Variants in LYST observed in about 807,000 individuals in gnomAD.
The protein encoded by LYST is lysosomal trafficking regulator, also known as lysosomal-trafficking regulator.
A neutral mutation model predicts 413.6 loss-of-function variants in LYST; 192 were observed. That is an observed-to-expected ratio of 0.46 (90% CI 0.41 to 0.52). LYST has a LOEUF of 0.52. Ranked by LOEUF, LYST falls within the 20% of genes least tolerant of loss-of-function variation. The pLI, the probability that LYST is intolerant of heterozygous loss-of-function variation, is 0.00. For synonymous variants in LYST, 1,525 were observed against 1,567.3 expected, an observed-to-expected ratio of 0.97 and a Z score of 0.64; for missense variants, 3,815 against 4,499.9, an observed-to-expected ratio of 0.85 and a Z score of 4.35.
intron 1 of LYST, among the ~76,000 whole-genome samples, chr1:235,857,776 CACACACACATAT>C (rs1478035902): frequency 1.4e-4 from 19 of 140,610 alleles, no homozygotes; most frequent in Admixed American, 4.1e-4. Flanking sequence ...CACACACACA[CACACACACATAT>C]ATATATAAAA....
chr1:235,724,935 T>C (rs146207390), intron 38 of LYST, among the ~76,000 whole-genome samples: 5 of 152,352 alleles, frequency 3.3e-5, no homozygotes, highest in Non-Finnish European at 7.3e-5. Context: ...GGTTGCTCTG[T>C]TGTATGTGTC....
chr1:235,844,151 A>G (rs1450256327), intron 1 of LYST, among the ~76,000 whole-genome samples: 1 of 152,226 alleles, frequency 6.6e-6, no homozygotes, highest in Non-Finnish European at 1.5e-5. Flanking sequence ...GGATTTAACT[A>G]TTCTAAATCC....
At chr1:235,740,089 T>C (rs753441057) in intron 31 of LYST, among the ~76,000 whole-genome samples, 16 of 152,186 alleles carry the variant, frequency 1.1e-4, no homozygotes, top group Non-Finnish European at 1.3e-4. Flanking sequence ...AGGCTAAATA[T>C]GCTTCTGTCT....
intron 20 of LYST, 111 bp downstream of exon 20, chr1:235,770,048 GA>G (rs11443965): frequency 2.0e-3 from 1,688 of 833,506 alleles, no homozygotes; most frequent in Non-Finnish European, 2.3e-3. Context: ...AGAGAAGATG[GA>G]AAAAAAAAAG....
At chr1:235,713,606 G>T (rs1361988039) in intron 42 of LYST, among the ~76,000 whole-genome samples, 1 of 152,216 alleles carries the variant, frequency 6.6e-6, no homozygotes, top group South Asian at 2.1e-4. Context: ...CACAACTGGG[G>T]GGATGGGGTG....
chr1:235,662,954 A>ATTCACCC lies in LYST; in HGVS notation c.11391_11392insGGGTGAA (p.Tyr3798GlyfsTer2). 6.3e-7 allele frequency: 1 copy of ATTCACCC among 1,582,532 alleles called. No individual in the cohort carries two copies. The highest frequency in any genetic ancestry group is 8.7e-7 in the Non-Finnish European group (1 of 1,151,226). On this transcript the variant is annotated stop_gained and frameshift_variant, in exon 53 of 53. Transcript: ENST00000389793. LOFTEE classifies it high-confidence loss of function. ...TTCATTCGCATTCACCCGGCTGCAT[A>ATTCACCC]GCTGCTAAGGAAGGAATAGAACATT...
At chr1:235,758,631 G>C (rs1022455040) in intron 23 of LYST, among the ~76,000 whole-genome samples, 2 of 152,192 alleles carry the variant, frequency 1.3e-5, no homozygotes, top group Admixed American at 6.5e-5. Context: ...TGAGCACCAA[G>C]TGGACAGAAT....
chr1:235,775,095 A>T lies in LYST; in HGVS notation c.5461-9T>A, dbSNP rs1669098761. 3 of 1,607,930 alleles carry T rather than the reference A, an allele frequency of 1.9e-6. No homozygotes were observed. The highest frequency in any genetic ancestry group is 2.5e-6 in the Non-Finnish European group (3 of 1,178,288). Reference sequence around the variant, plus strand: ...CTACTGAGTTCAACAACCTAAAAAAAAAAATGGGTGGATATAGTTTTCTCC... The same window carrying T: ...CTACTGAGTTCAACAACCTAAAAAATAAAATGGGTGGATATAGTTTTCTCC... On this transcript the variant is annotated splice_polypyrimidine_tract_variant and intron_variant, in intron 17 of 52. Transcript: ENST00000389793.
chr1:235,686,303 G>A lies in LYST; in HGVS notation c.10800+646C>T, dbSNP rs1451300543. On this transcript the variant is annotated intron_variant, in intron 48 of 52. Transcript: ENST00000389793. This position sits in a 1 kb window ranked among gnomAD's most constrained non-coding sequence, Gnocchi z 4.0. ...AATTGATTGAGCCCGGGAGGCAGAGGTTGCAGTGAGCTGAGATTGTGCCAT... is the reference window on the plus strand; with the variant it reads ...AATTGATTGAGCCCGGGAGGCAGAGATTGCAGTGAGCTGAGATTGTGCCAT... Among the ~76,000 whole-genome samples the A allele has an allele frequency of 6.6e-6, 1 of 152,200 alleles. No individual in the cohort carries two copies. The highest frequency in any genetic ancestry group is 1.5e-5 in the Non-Finnish European group (1 of 68,040).
intron 40 of LYST, among the ~76,000 whole-genome samples, chr1:235,718,363 CTT>C (rs549670425): frequency 1.2e-4 from 17 of 145,486 alleles, no homozygotes; most frequent in African/African-American, 3.2e-4. Context: ...AGCATATTCA[CTT>C]TTTTTTTTTT....
At chr1:235,720,224 A>C (rs935579263) in intron 40 of LYST, among the ~76,000 whole-genome samples, 1 of 150,170 alleles carries the variant, frequency 6.7e-6, no homozygotes, top group African/African-American at 2.5e-5. Context: ...GTATATGTTC[A>C]GAGATATAGC....
intron 47 of LYST, among the ~76,000 whole-genome samples, chr1:235,687,870 C>T (rs1405497494): frequency 6.6e-6 from 1 of 152,188 alleles, no homozygotes; most frequent in Non-Finnish European, 1.5e-5. Flanking sequence ...CTCAGGCTTC[C>T]TCAGAAACCT....
chr1:235,845,094 C>G (rs1677649635), intron 1 of LYST, among the ~76,000 whole-genome samples: 1 of 152,134 alleles, frequency 6.6e-6, no homozygotes. Flanking sequence ...CCCGAGAGGA[C>G]CCACAGACCC....
At chr1:235,868,398 C>G (rs185587253), upstream of LYST, among the ~76,000 whole-genome samples, 1 of 152,292 alleles carries the variant, frequency 6.6e-6, no homozygotes, top group Non-Finnish European at 1.5e-5. Context: ...TAACCTGTTT[C>G]GTCATTTTAC....
intron 39 of LYST, 59 bp from the exon 40 acceptor site, chr1:235,720,964 T>C (rs1663308983): frequency 6.5e-7 from 1 of 1,541,918 alleles, no homozygotes; most frequent in African/African-American, 1.4e-5. Flanking sequence ...TTGGCACTTT[T>C]CTCCAAAGAA....
chr1:235,807,158 G>T (rs1672937694), intron 5 of LYST, among the ~76,000 whole-genome samples: 1 of 152,182 alleles, frequency 6.6e-6, no homozygotes, highest in Non-Finnish European at 1.5e-5. Context: ...GCACGTGTTT[G>T]TTCATTAGTT....
intron 19 of LYST, among the ~76,000 whole-genome samples, chr1:235,772,219 T>C (rs1668780878): frequency 6.6e-6 from 1 of 152,120 alleles, no homozygotes; most frequent in Admixed American, 6.5e-5. Context: ...AGTGTGCTCC[T>C]GTTTCAAAAA....
chr1:235,836,361 T>C (rs943645330), intron 1 of LYST, among the ~76,000 whole-genome samples: 6 of 152,176 alleles, frequency 3.9e-5, no homozygotes, highest in African/African-American at 1.4e-4. Context: ...TACACTATAA[T>C]GTCAGGTCAT....
chr1:235,826,089 T>C (rs1162128563), intron 3 of LYST, among the ~76,000 whole-genome samples: 1 of 152,180 alleles, frequency 6.6e-6, no homozygotes, highest in Non-Finnish European at 1.5e-5. Context: ...AATGAGATAC[T>C]ACTTCATATT....
Sources: allele counts gnomAD v4.1 joint callset (sites outside exome capture counted in the v4.1 genomes callset), GRCh38; gene constraint gnomAD v4.1.1; non-coding constraint Gnocchi (gnomAD v3.1); transcripts MANE v1.5; gene names NCBI Gene and HGNC (gene_info 2026-07-23, HGNC 2026-07-21).